Variants in SEMA4F observed in about 807,000 individuals in gnomAD.
SEMA4F encodes ssemaphorin 4F, also known as semaphorin-4F.
In SEMA4F, 51 loss-of-function variants were observed where a neutral mutation model predicts 78.4. The ratio of observed to expected loss-of-function variants is 0.65; its 90% CI spans 0.52 to 0.82. The LOEUF is 0.82. Among genes scored for constraint, SEMA4F ranks in the 40% least tolerant of loss-of-function variants. The pLI, the probability that SEMA4F is intolerant of heterozygous loss-of-function variation, is 0.00. For missense variants in SEMA4F, 938 were observed against 1,014.4 expected (o/e 0.92, Z 1.02); for synonymous variants, 418 against 408.7 (o/e 1.02, Z -0.27).
At chr2:74,674,457 T>G in intron 7 of SEMA4F, 41 bp from the exon 8 acceptor site, 1 of 1,561,176 alleles carries the variant, frequency 6.4e-7, no homozygotes, top group South Asian at 1.2e-5. Context: ...TGCCCAATGA[T>G]GATCATCTAA....
chr2:74,694,683 C>T, the SEMA4F span, among the ~76,000 whole-genome samples: 1 of 152,208 alleles, frequency 6.6e-6, no homozygotes, highest in Non-Finnish European at 1.5e-5. Context: ...CTCTGTGTTG[C>T]TATCTTCATT....
the SEMA4F span, among the ~76,000 whole-genome samples, chr2:74,698,582 C>A: frequency 1.3e-5 from 2 of 152,222 alleles, no homozygotes; most frequent in African/African-American, 4.8e-5. Flanking sequence ...GGGGCCCTGC[C>A]TCAAAGGATA....
chr2:74,656,734 A>C (rs778556089), intron 2 of SEMA4F, 49 bp downstream of exon 2: 2 of 1,592,090 alleles, frequency 1.3e-6, no homozygotes, highest in Non-Finnish European at 1.7e-6. Flanking sequence ...CATGTGATTA[A>C]ATCTATGATT....
intron 5 of SEMA4F, among the ~76,000 whole-genome samples, chr2:74,673,043 C>T (rs1029806361): frequency 2.0e-5 from 3 of 152,158 alleles, no homozygotes; most frequent in Non-Finnish European, 4.4e-5. Context: ...CATTCATTCC[C>T]TGAGACATTT....
the SEMA4F span, among the ~76,000 whole-genome samples, chr2:74,697,835 G>A: frequency 6.6e-6 from 1 of 152,180 alleles, no homozygotes; most frequent in Non-Finnish European, 1.5e-5. Context: ...CAGGGCCAGG[G>A]CAGCAGTACA....
At position 74,679,946 on chromosome 2, in the gene SEMA4F, C is replaced by T; in HGVS notation, c.2050C>T (p.Gln684Ter). The T allele has an allele frequency of 6.2e-7, 1 of 1,614,220 alleles. No homozygotes were observed. The highest frequency in any genetic ancestry group is 8.5e-7 in the Non-Finnish European group (1 of 1,180,040). Residue 684 changes from glutamine (Q) to a stop codon, truncating the protein, a stop_gained, in exon 14 of 14, where the codon CAG becomes TAG. Coordinates refer to ENST00000357877, the MANE Select transcript of SEMA4F (RefSeq NM_004263.5). LOFTEE classifies it high-confidence loss of function. ...GACTCTCATTCTGATTGGTCGGCGT[C>T]AGCAGCGACGGCGACAGAGGGAACT... Reference protein sequence around the residue: ...SLTLILIGRRQQRRRQRELLA... With the variant: ...SLTLILIGRR
At chr2:74,673,929 TCTC>T in intron 7 of SEMA4F, 101 bp downstream of exon 7, 1 of 1,336,288 alleles carries the variant, frequency 7.5e-7, no homozygotes, top group Non-Finnish European at 1.0e-6. Context: ...CTCTCCTGTG[TCTC>T]CTATTTTCTC....
At chr2:74,656,710 C>T (rs886635374) in intron 2 of SEMA4F, 25 bp downstream of exon 2, 3 of 1,611,378 alleles carry the variant, frequency 1.9e-6, no homozygotes, top group Non-Finnish European at 1.7e-6. Flanking sequence ...AGGGAAGGAC[C>T]CCTGACCCTG....
the SEMA4F span, among the ~76,000 whole-genome samples, chr2:74,691,092 G>A: frequency 4.6e-5 from 7 of 152,254 alleles, no homozygotes; most frequent in South Asian, 1.5e-3. Flanking sequence ...GAAAACTGAA[G>A]TCATTAACAA....
At chr2:74,690,238 ACTAT>A in the SEMA4F span, among the ~76,000 whole-genome samples, 2 of 152,322 alleles carry the variant, frequency 1.3e-5, no homozygotes, top group East Asian at 1.9e-4. Flanking sequence ...GACAACCAGT[ACTAT>A]CTTACAATCA....
chr2:74,689,477 C>A, the SEMA4F span, among the ~76,000 whole-genome samples: 3 of 152,124 alleles, frequency 2.0e-5, no homozygotes, highest in Non-Finnish European at 4.4e-5. Context: ...GTGTATATAT[C>A]ATTTGATCCA....
intron 4 of SEMA4F, among the ~76,000 whole-genome samples, chr2:74,661,943 A>C (rs1030540759): frequency 2.0e-5 from 3 of 152,190 alleles, no homozygotes; most frequent in African/African-American, 7.2e-5. Flanking sequence ...TCTCAGTCCT[A>C]GGTTGAAATC....
chr2:74,668,034 C>G (rs11894697), intron 5 of SEMA4F, among the ~76,000 whole-genome samples: 7,579 of 152,262 alleles, frequency 0.05, 655 homozygotes, highest in African/African-American at 0.17. Context: ...TCACCTCCCC[C>G]AAACCTGCTT....
chr2:74,679,671 C>T lies in SEMA4F; in HGVS notation c.1775C>T (p.Ala592Val), dbSNP rs1334767943. Residue 592 changes from alanine (A) to valine (V), a missense_variant, in exon 14 of 14, where the codon GCA (alanine) becomes GTA (valine). Transcript: ENST00000357877. ...HVVLPCSPSS[A>V]WASCVWHQPS... ...GTCTTGCCATGTTCTCCAAGCTCAG[C>T]ATGGGCATCCTGTGTGTGGCACCAG... 1 of 1,613,818 alleles carries T rather than the reference C, an allele frequency of 6.2e-7. No homozygotes were observed. The highest frequency in any genetic ancestry group is 2.2e-5 in the East Asian group (1 of 44,880).
At chr2:74,675,940 C>T (rs770289340) in intron 12 of SEMA4F, 31 bp downstream of exon 12, 5 of 1,592,708 alleles carry the variant, frequency 3.1e-6, no homozygotes, top group Non-Finnish European at 4.3e-6. Context: ...TTCTTGCTTA[C>T]TGTGCCAGGG....
chr2:74,668,924 G>C (rs750540796), intron 5 of SEMA4F, among the ~76,000 whole-genome samples: 3 of 131,464 alleles, frequency 2.3e-5, no homozygotes, highest in African/African-American at 9.3e-5. Flanking sequence ...GCCACCAAGC[G>C]TGGCCAAAAA....
chr2:74,685,510 T>G (rs554359973), downstream of SEMA4F, among the ~76,000 whole-genome samples: 95 of 152,196 alleles, frequency 6.2e-4, no homozygotes, highest in African/African-American at 2.1e-3. Context: ...GAGACAAGAC[T>G]TCTTCTTTAG....
chr2:74,670,090 T>C (rs1684904542), intron 5 of SEMA4F, among the ~76,000 whole-genome samples: 1 of 152,192 alleles, frequency 6.6e-6, no homozygotes, highest in South Asian at 2.1e-4. Flanking sequence ...GCACATCATC[T>C]TTTGCCAATG....
chr2:74,660,609 C>A, intron 4 of SEMA4F, among the ~76,000 whole-genome samples: 1 of 152,216 alleles, frequency 6.6e-6, no homozygotes, highest in South Asian at 2.1e-4. Flanking sequence ...AGAATCTCAA[C>A]ATTCAGATAG....
Sources: gnomAD v4.1 joint callset for allele counts (sites outside exome capture counted in the v4.1 genomes callset) on GRCh38, gnomAD v4.1.1 for gene constraint, MANE v1.5 for transcripts, NCBI Gene and HGNC (gene_info 2026-07-23, HGNC 2026-07-21) for gene names.